Variants in THADA observed in about 807,000 individuals in gnomAD.
THADA encodes THADA armadillo repeat containing.
THADA carries 213 observed loss-of-function variants against 219.8 expected under a neutral mutation model. That is an observed-to-expected ratio of 0.97 (90% CI 0.87 to 1.09). The LOEUF is 1.09. Ranked by LOEUF, THADA falls within the 50% of genes least tolerant of loss-of-function variation. THADA has a pLI of 0.00. For synonymous variants in THADA, 1,018 were observed against 828.9 expected (o/e 1.23, Z -3.92); for missense variants, 2,956 against 2,311.3 (o/e 1.28, Z -5.72).
intron 31 of THADA, among the ~76,000 whole-genome samples, chr2:43,310,450 A>T (rs1677380858): frequency 6.6e-6 from 1 of 152,160 alleles, no homozygotes; most frequent in African/African-American, 2.4e-5. Context: ...TTTATGGTCA[A>T]CTGACTTTTT....
At chr2:43,257,850 A>G (rs559141194) in intron 36 of THADA, among the ~76,000 whole-genome samples, 146 of 152,316 alleles carry the variant, frequency 9.6e-4, no homozygotes, top group Admixed American at 1.3e-3. Flanking sequence ...AGGAAAAAAG[A>G]GGAGAGGTGA....
chr2:43,589,395 C>T (rs1217506815), intron 4 of THADA, among the ~76,000 whole-genome samples: 1 of 152,116 alleles, frequency 6.6e-6, no homozygotes. Flanking sequence ...AAATATTACA[C>T]TAATATGAGG....
intron 26 of THADA, among the ~76,000 whole-genome samples, chr2:43,433,052 G>C (rs1017259592): frequency 6.6e-6 from 1 of 152,080 alleles, no homozygotes; most frequent in Non-Finnish European, 1.5e-5. Context: ...ACCTAAGAAA[G>C]ATATCGTATA....
chr2:43,411,463 T>C (rs1676296614), intron 28 of THADA, among the ~76,000 whole-genome samples: 1 of 152,296 alleles, frequency 6.6e-6, no homozygotes, highest in South Asian at 2.1e-4. Flanking sequence ...GATTTCGTAG[T>C]GGTTATTAAG....
At chr2:43,582,524 C>T (rs1282595852) in intron 7 of THADA, among the ~76,000 whole-genome samples, 1 of 146,394 alleles carries the variant, frequency 6.8e-6, no homozygotes, top group East Asian at 2.0e-4. Context: ...ACATAACTTA[C>T]AAACTTGAAC....
intron 26 of THADA, among the ~76,000 whole-genome samples, chr2:43,439,099 C>T (rs1325998556): frequency 6.6e-6 from 1 of 152,120 alleles, no homozygotes. Context: ...CACTGGTGAC[C>T]AGTAACGAAA....
In THADA at chr2:43,557,206, GATT is replaced by G. The variant is rs1697481922; in HGVS notation, c.2464-654_2464-652del. Among the ~76,000 whole-genome samples, 5 of 152,298 alleles carry G rather than the reference GATT, an allele frequency of 3.3e-5. No individual in the cohort carries two copies. In the South Asian group the frequency reaches 1.0e-3, roughly 32 times the overall value. ...TGAGTTTTTTATTACAGTAATTAAT[GATT>G]ATTAATCAGCTGGAAATAATTTCAA... On this transcript the variant is annotated intron_variant, in intron 16 of 37. Coordinates refer to ENST00000405975, the MANE Select transcript of THADA (RefSeq NM_022065.5).
intron 21 of THADA, among the ~76,000 whole-genome samples, chr2:43,535,452 G>A (rs1046182798): frequency 2.0e-5 from 3 of 151,210 alleles, no homozygotes; most frequent in African/African-American, 7.3e-5. Flanking sequence ...TCCACGTCGG[G>A]CAGATCACCT....
chr2:43,588,507 T>C (rs765016832), intron 4 of THADA, among the ~76,000 whole-genome samples: 5 of 152,098 alleles, frequency 3.3e-5, no homozygotes, highest in African/African-American at 4.8e-5. Context: ...ATATGATCTA[T>C]AGAGAAGTCT....
intron 34 of THADA, 97 bp downstream of exon 34, chr2:43,291,599 G>A: frequency 2.4e-6 from 2 of 818,574 alleles, no homozygotes; most frequent in Non-Finnish European, 3.6e-6. Context: ...TATCACAGGG[G>A]TTCTGCCTGC....
At chr2:43,511,201 C>T (rs1026624819) in intron 22 of THADA, among the ~76,000 whole-genome samples, 1 of 152,018 alleles carries the variant, frequency 6.6e-6, no homozygotes, top group Non-Finnish European at 1.5e-5. Flanking sequence ...AGGGGATTTG[C>T]TACGTAGGAA....
intron 29 of THADA, among the ~76,000 whole-genome samples, chr2:43,352,693 GAA>G (rs1350073245): frequency 3.3e-5 from 5 of 152,104 alleles, no homozygotes; most frequent in African/African-American, 1.2e-4. Flanking sequence ...GAGAGAAAGA[GAA>G]AGAGAGAGAG....
intron 17 of THADA, 150 bp from the exon 18 acceptor site, chr2:43,552,489 C>T (rs1696865056): frequency 1.1e-6 from 1 of 880,066 alleles, no homozygotes; most frequent in South Asian, 1.9e-5. Context: ...CAGGGTTATC[C>T]AACAGGGTGG....
chr2:43,488,400 C>T (rs1301090792), intron 25 of THADA, among the ~76,000 whole-genome samples: 2 of 152,128 alleles, frequency 1.3e-5, no homozygotes, highest in East Asian at 1.9e-4. Context: ...CTTGCCTTTT[C>T]TGGATACTTC....
At chr2:43,489,500 G>C (rs1200197134) in intron 25 of THADA, among the ~76,000 whole-genome samples, 3 of 152,102 alleles carry the variant, frequency 2.0e-5, no homozygotes, top group South Asian at 4.1e-4. Flanking sequence ...TCTTCTACAA[G>C]TTTTATAGTT....
intron 22 of THADA, among the ~76,000 whole-genome samples, chr2:43,525,224 T>C (rs1297325078): frequency 6.6e-6 from 1 of 152,200 alleles, no homozygotes; most frequent in Non-Finnish European, 1.5e-5. Flanking sequence ...GAAGCAACCA[T>C]GAACTCCCTA....
chr2:43,509,927 C>T (rs1334905863), intron 22 of THADA, among the ~76,000 whole-genome samples: 3 of 152,126 alleles, frequency 2.0e-5, no homozygotes, highest in African/African-American at 4.8e-5. Context: ...GCTTCTTCGA[C>T]ACTCCTGTCC....
chr2:43,472,297 G>A (rs1278275591), intron 26 of THADA, among the ~76,000 whole-genome samples: 8 of 152,182 alleles, frequency 5.3e-5, no homozygotes, highest in Admixed American at 5.2e-4. Context: ...ATAGTCATAT[G>A]GCAATTGAAA....
intron 29 of THADA, among the ~76,000 whole-genome samples, chr2:43,358,897 CT>C (rs1236967480): frequency 6.6e-6 from 1 of 152,140 alleles, no homozygotes; most frequent in Non-Finnish European, 1.5e-5. Context: ...AAGGAAAAGA[CT>C]GTGAATCTTT....
Sources: allele counts gnomAD v4.1 joint callset (sites outside exome capture counted in the v4.1 genomes callset), GRCh38; gene constraint gnomAD v4.1.1; transcripts MANE v1.5; gene names NCBI Gene and HGNC (gene_info 2026-07-23, HGNC 2026-07-21).